IGF2BP2: variants seen among roughly 807,000 people sequenced by gnomAD.
The protein encoded by IGF2BP2 is insulin-like growth factor 2 mRNA-binding protein 2.
In IGF2BP2, 17 loss-of-function variants were observed where a neutral mutation model predicts 75.8. The observed-to-expected ratio is 0.22, with a 90% CI of 0.15 to 0.34. The LOEUF (loss-of-function observed/expected upper bound fraction) is 0.34, where lower values mean the gene tolerates loss of function less well. IGF2BP2 is among the 10% of genes least tolerant of loss of function. The pLI, the probability that IGF2BP2 is intolerant of heterozygous loss-of-function variation, is 1.00. For missense variants in IGF2BP2, 516 were observed against 772.4 expected (o/e 0.67, Z 3.93); for synonymous variants, 288 against 295.6 (o/e 0.97, Z 0.26).
In IGF2BP2 at chr3:185,692,850, T is replaced by C. The variant is rs187291379; in HGVS notation, c.341-88A>G. Reference sequence around the variant, plus strand: ...TAAACAGACAAACTTTAGAGAAAAATGCATAAAACCCTCATCACACTGGCT... The same window carrying C: ...TAAACAGACAAACTTTAGAGAAAAACGCATAAAACCCTCATCACACTGGCT... On this transcript the variant is annotated intron_variant, in intron 4 of 15. Transcript: ENST00000382199. 8.7e-5 allele frequency: 98 copies of C among 1,127,956 alleles called. No individual in the cohort carries two copies. In the East Asian group the frequency reaches 2.2e-3, roughly 26 times the overall value. 69.9% of individuals were successfully genotyped at this position (1,127,956 alleles called of 1,614,324 possible).
intron 2 of IGF2BP2, among the ~76,000 whole-genome samples, chr3:185,708,011 G>C (rs547987663): frequency 6.6e-6 from 1 of 152,156 alleles, no homozygotes; most frequent in African/African-American, 2.4e-5. Flanking sequence ...CAGCGTGTTT[G>C]GCATGAAGGT....
intron 4 of IGF2BP2, among the ~76,000 whole-genome samples, chr3:185,694,412 A>G (rs1176513333): frequency 6.6e-6 from 1 of 152,240 alleles, no homozygotes; most frequent in Non-Finnish European, 1.5e-5. Context: ...TGTTCTTCAA[A>G]GATGTTAGTC....
chr3:185,674,333 T>C (rs909694498), intron 9 of IGF2BP2, among the ~76,000 whole-genome samples: 5 of 152,204 alleles, frequency 3.3e-5, no homozygotes, highest in African/African-American at 7.2e-5. Context: ...TGAGGACTTA[T>C]TGGAGCATCC....
At chr3:185,800,099 T>G (rs1380850778) in intron 2 of IGF2BP2, among the ~76,000 whole-genome samples, 2 of 151,970 alleles carry the variant, frequency 1.3e-5, no homozygotes, top group Non-Finnish European at 2.9e-5. Flanking sequence ...TATGCAACCA[T>G]AAAAAGAATG....
rs772642671 is a variant in IGF2BP2, at chr3:185,658,325, C to A, written c.1269+16G>T. On this transcript the variant is annotated intron_variant, in intron 11 of 15. Coordinates refer to ENST00000382199, the MANE Select transcript of IGF2BP2 (RefSeq NM_006548.6). ...AGGAGAAGTGGCAGGTGCGGCTGAA[C>A]TGAGGGGGCACTTACAGAGTGATGA... 1.1e-5 allele frequency: 17 copies of A among 1,612,504 alleles called. No homozygotes were observed. Among genetic ancestry groups the A allele is most frequent in the Admixed American group, 3.3e-5 (2 of 59,976 alleles).
chr3:185,704,435 G>A (rs770183193), intron 2 of IGF2BP2, among the ~76,000 whole-genome samples: 9 of 152,118 alleles, frequency 5.9e-5, no homozygotes, highest in Non-Finnish European at 1.0e-4. Context: ...TGATAGCCAA[G>A]TCCAACCCTC....
At chr3:185,761,618 A>G (rs1458832403) in intron 2 of IGF2BP2, among the ~76,000 whole-genome samples, 1 of 152,228 alleles carries the variant, frequency 6.6e-6, no homozygotes, top group Non-Finnish European at 1.5e-5. Context: ...TTCTCCAGGA[A>G]AGACCTCACA....
intron 13 of IGF2BP2, among the ~76,000 whole-genome samples, chr3:185,651,888 C>T (rs1714663852): frequency 6.6e-6 from 1 of 152,174 alleles, no homozygotes; most frequent in Non-Finnish European, 1.5e-5. Context: ...TCTACTTTTC[C>T]ATGAGAGGGA....
chr3:185,646,092 C>T (rs1713479260), intron 15 of IGF2BP2, among the ~76,000 whole-genome samples: 1 of 152,202 alleles, frequency 6.6e-6, no homozygotes. Context: ...GTCCCCTCAC[C>T]CAGCCTAGCA....
At chr3:185,740,900 C>T (rs946995623) in intron 2 of IGF2BP2, among the ~76,000 whole-genome samples, 10 of 152,102 alleles carry the variant, frequency 6.6e-5, no homozygotes, top group African/African-American at 2.2e-4. Flanking sequence ...TATTTTGAGA[C>T]GGAGTCTCGC....
At chr3:185,719,306 A>G (rs779796159) in intron 2 of IGF2BP2, among the ~76,000 whole-genome samples, 12 of 152,222 alleles carry the variant, frequency 7.9e-5, no homozygotes, top group African/African-American at 2.2e-4. Context: ...AAGACACTGC[A>G]TATCTTTGAT....
At chr3:185,686,137 A>G (rs1721094424) in intron 7 of IGF2BP2, among the ~76,000 whole-genome samples, 1 of 152,128 alleles carries the variant, frequency 6.6e-6, no homozygotes, top group South Asian at 2.1e-4. Flanking sequence ...TAATCCCAGC[A>G]CTTTGGGAGG....
At chr3:185,650,148 G>A (rs1402380613) in intron 13 of IGF2BP2, among the ~76,000 whole-genome samples, 3 of 149,458 alleles carry the variant, frequency 2.0e-5, no homozygotes, top group African/African-American at 7.4e-5. Flanking sequence ...TTGAACTCAC[G>A]GCCTCAAGTG....
At chr3:185,746,806 A>G (rs1388260684) in intron 2 of IGF2BP2, among the ~76,000 whole-genome samples, 1 of 152,236 alleles carries the variant, frequency 6.6e-6, no homozygotes, top group African/African-American at 2.4e-5. Context: ...ATTATATAGC[A>G]AAAGAGAAAA....
chr3:185,652,739 G>A (rs1202302976), intron 12 of IGF2BP2, among the ~76,000 whole-genome samples: 1 of 152,172 alleles, frequency 6.6e-6, no homozygotes, highest in East Asian at 1.9e-4. Flanking sequence ...ATGGAGGCAC[G>A]TTGGTTCTAG....
At chr3:185,755,370 C>A (rs1731482459) in intron 2 of IGF2BP2, among the ~76,000 whole-genome samples, 1 of 152,210 alleles carries the variant, frequency 6.6e-6, no homozygotes, top group Non-Finnish European at 1.5e-5. Context: ...ATGAATGAGG[C>A]TTGGCACCCC....
chr3:185,793,396 G>A (rs763445585), intron 2 of IGF2BP2, among the ~76,000 whole-genome samples: 2 of 152,048 alleles, frequency 1.3e-5, no homozygotes, highest in Non-Finnish European at 2.9e-5. Context: ...CCAGTAAAAT[G>A]GTCTCTACTT....
intron 2 of IGF2BP2, among the ~76,000 whole-genome samples, chr3:185,791,404 A>T (rs1178003034): frequency 6.6e-6 from 1 of 152,272 alleles, no homozygotes; most frequent in Non-Finnish European, 1.5e-5. Flanking sequence ...AGCCTGTAAA[A>T]TATGGCACAA....
chr3:185,753,710 A>G (rs528105477), intron 2 of IGF2BP2, among the ~76,000 whole-genome samples: 1 of 152,256 alleles, frequency 6.6e-6, no homozygotes, highest in African/African-American at 2.4e-5. Flanking sequence ...TTCTCCCAAG[A>G]TCTGCATTTC....
Sources: gnomAD v4.1 joint callset for allele counts (sites outside exome capture counted in the v4.1 genomes callset) on GRCh38, gnomAD v4.1.1 for gene constraint, MANE v1.5 for transcripts, NCBI Gene and HGNC (gene_info 2026-07-23, HGNC 2026-07-21) for gene names.